The following DGKB variants were observed in gnomAD, a reference collection of about 807,000 sequenced individuals.
DGKB encodes the protein 90 kDa diacylglycerol kinase.
Under a neutral mutation model 114.3 loss-of-function variants are expected in DGKB, and 67 were observed. The observed-to-expected ratio is 0.59, with a 90% confidence interval of 0.48 to 0.72. The LOEUF (loss-of-function observed/expected upper bound fraction) is 0.72, where lower values mean the gene tolerates loss of function less well. Among genes scored for constraint, DGKB ranks in the 30% least tolerant of loss-of-function variants. The probability of loss-of-function intolerance (pLI) is 0.00; values close to 1 mark genes in which losing one functional copy is unlikely to be tolerated. For missense variants in DGKB, 907 were observed against 975.2 expected, an observed-to-expected ratio of 0.93 and a Z score of 0.93; for synonymous variants, 398 against 323.1, an observed-to-expected ratio of 1.23 and a Z score of -2.49.
rs982542800 is a variant in DGKB, at chr7:14,694,146, C to T, written c.640G>A (p.Val214Met). Reference sequence around the variant, plus strand: ...CCTTGAATCCATTCCTCCAGAGACACGGTTCCATCATGATCATAGTCAATT... The same window carrying T: ...CCTTGAATCCATTCCTCCAGAGACATGGTTCCATCATGATCATAGTCAATT... ...EEIDYDHDGT[V>M]SLEEWIQGGM... Residue 214 changes from valine to methionine, a missense_variant, in exon 9 of 26, where the codon GTG becomes ATG. By Grantham distance (21) the Val-to-Met change is conservative. Around this residue, in one of 3 missense-constraint regions of DGKB, gnomAD observed 814 missense variants for 856.6 expected, o/e 0.95. Transcript: ENST00000402815. 3.1e-6 allele frequency: 5 copies of T among 1,588,838 alleles called. No individual in the cohort carries two copies. Among genetic ancestry groups the T allele is most frequent in the East Asian group, 2.3e-5 (1 of 44,432 alleles).
intron 21 of DGKB, among the ~76,000 whole-genome samples, chr7:14,387,272 G>C (rs1386565254): frequency 6.6e-6 from 1 of 151,834 alleles, no homozygotes; most frequent in Non-Finnish European, 1.5e-5. Context: ...AATTAGCTGG[G>C]CGAGGTAGCA....
intron 20 of DGKB, among the ~76,000 whole-genome samples, chr7:14,550,539 A>C (rs1794962514): frequency 6.6e-6 from 1 of 152,228 alleles, no homozygotes; most frequent in Admixed American, 6.5e-5. Context: ...CAAGAAAAAC[A>C]TTACAGCAGT....
chr7:14,364,119 CACT>C (rs1816235527), intron 21 of DGKB, among the ~76,000 whole-genome samples: 1 of 151,976 alleles, frequency 6.6e-6, no homozygotes, highest in Non-Finnish European at 1.5e-5. Context: ...ATTTTTCTGA[CACT>C]ACTATTATTC....
chr7:14,655,803 T>C (rs779047135), intron 13 of DGKB, among the ~76,000 whole-genome samples: 1 of 151,612 alleles, frequency 6.6e-6, no homozygotes, highest in African/African-American at 2.4e-5. Context: ...ACCACATTCT[T>C]ACTTATATAT....
At chr7:14,777,541 G>A (rs549819560) in intron 2 of DGKB, among the ~76,000 whole-genome samples, 1 of 152,162 alleles carries the variant, frequency 6.6e-6, no homozygotes, top group East Asian at 1.9e-4. Context: ...TTTAATAAGG[G>A]GCTTTTCTTC....
rs148261359 is a variant in DGKB at position 14,569,855 on chromosome 7, T to G, written c.1770+4357A>C. On this transcript the variant is annotated intron_variant, in intron 20 of 25. Coordinates refer to ENST00000402815, the MANE Select transcript of DGKB (RefSeq NM_001350709.2). Reference sequence around the variant, plus strand: ...TAAGAATAGAAAATGTCTCCATTTATTCTGATCTTGTGTGTCTTTGCAGAG... The same window carrying G: ...TAAGAATAGAAAATGTCTCCATTTAGTCTGATCTTGTGTGTCTTTGCAGAG... Among the ~76,000 whole-genome samples, 995 of 151,928 alleles carry G rather than the reference T, an allele frequency of 6.5e-3. 16 individuals carry two copies. Among genetic ancestry groups the G allele is most frequent in the African/African-American group, 0.023 (965 of 41,528 alleles).
chr7:14,565,555 C>G (rs1797270251), intron 20 of DGKB, among the ~76,000 whole-genome samples: 1 of 152,166 alleles, frequency 6.6e-6, no homozygotes, highest in South Asian at 2.1e-4. Flanking sequence ...GCACCTCAAA[C>G]TGAGCATGTC....
chr7:14,576,940 A>G (rs1265821367), intron 19 of DGKB, among the ~76,000 whole-genome samples: 1 of 152,212 alleles, frequency 6.6e-6, no homozygotes, highest in Non-Finnish European at 1.5e-5. Flanking sequence ...AGTGATTCAC[A>G]TAGATAAACT....
intron 23 of DGKB, among the ~76,000 whole-genome samples, chr7:14,263,537 G>A (rs1797065721): frequency 6.6e-6 from 1 of 152,066 alleles, no homozygotes; most frequent in African/African-American, 2.4e-5. Flanking sequence ...TGCTATGCAT[G>A]GCTAAATCCT....
At chr7:14,488,907 AAAC>A (rs1229900940) in intron 20 of DGKB, among the ~76,000 whole-genome samples, 1 of 151,934 alleles carries the variant, frequency 6.6e-6, no homozygotes, top group Non-Finnish European at 1.5e-5. Context: ...CTAGAAATCT[AAAC>A]AACAAAAATT....
chr7:14,528,912 G>A (rs1358779427), intron 20 of DGKB, among the ~76,000 whole-genome samples: 3 of 151,950 alleles, frequency 2.0e-5, no homozygotes, highest in Admixed American at 1.3e-4. Context: ...ACTTGGGCAC[G>A]GACAGATAAA....
intron 13 of DGKB, among the ~76,000 whole-genome samples, chr7:14,634,236 T>C (rs969366530): frequency 1.3e-5 from 2 of 151,442 alleles, no homozygotes; most frequent in African/African-American, 4.8e-5. Context: ...ACTTTATCTT[T>C]CAGGTTAGGA....
At chr7:14,865,747 T>C (rs1851615402) in intron 1 of DGKB, among the ~76,000 whole-genome samples, 1 of 152,094 alleles carries the variant, frequency 6.6e-6, no homozygotes, top group African/African-American at 2.4e-5. Context: ...TTGGGAGTCA[T>C]CATGTGCATA....
At chr7:14,756,559 T>C (rs1834900333) in intron 3 of DGKB, among the ~76,000 whole-genome samples, 2 of 152,046 alleles carry the variant, frequency 1.3e-5, no homozygotes, top group African/African-American at 4.8e-5. Context: ...GTTACAGTAA[T>C]GTACCAGAAT....
intron 2 of DGKB, among the ~76,000 whole-genome samples, chr7:14,780,246 G>C (rs1184503044): frequency 2.0e-5 from 3 of 152,132 alleles, no homozygotes; most frequent in African/African-American, 7.2e-5. Flanking sequence ...CACAGATCTG[G>C]AAAATTCTCC....
At chr7:14,161,021 C>T (rs1009165058) in intron 25 of DGKB, among the ~76,000 whole-genome samples, 1 of 152,086 alleles carries the variant, frequency 6.6e-6, no homozygotes, top group Admixed American at 6.5e-5. Flanking sequence ...AGACACTTCT[C>T]AAAAGAAGAC....
chr7:14,173,019 A>T (rs1426460575), intron 25 of DGKB, among the ~76,000 whole-genome samples: 3 of 152,166 alleles, frequency 2.0e-5, no homozygotes, highest in African/African-American at 7.2e-5. Flanking sequence ...TTTTCAATAT[A>T]TACTCTCTTC....
rs1190962138 is a variant in DGKB, at chr7:14,958,470, CACACA to C, written c.-188+16221_-188+16225del. Among the ~76,000 whole-genome samples the C allele has an allele frequency of 1.1e-4, 17 of 149,538 alleles. No individual in the cohort carries two copies. The South Asian group carries it at 2.5e-3, about 22-fold the overall frequency. ...ACACACACACACACACACACACACA[CACACA>C]CCCCGTCCAGGAGATGTTAATAAAG... On this transcript the variant is annotated intron_variant, in intron 1 of 4. Coordinates refer to the DGKB transcript ENST00000437998.
At chr7:14,441,495 ATTT>A (rs1364852639) in intron 21 of DGKB, among the ~76,000 whole-genome samples, 3 of 152,130 alleles carry the variant, frequency 2.0e-5, no homozygotes, top group Non-Finnish European at 4.4e-5. Context: ...AAGTCAAAAA[ATTT>A]TTTAACTATG....
Sources: allele counts gnomAD v4.1 joint callset (sites outside exome capture counted in the v4.1 genomes callset), GRCh38; gene constraint gnomAD v4.1.1; regional missense constraint gnomAD v4.1.1; transcripts MANE v1.5; gene names NCBI Gene and HGNC (gene_info 2026-07-23, HGNC 2026-07-21).